Variants in COL6A6 observed in about 807,000 individuals in gnomAD.
The protein encoded by COL6A6 is collagen type VI alpha 6 chain.
Under a neutral mutation model 208.6 loss-of-function variants are expected in COL6A6, and 183 were observed. That is an observed-to-expected ratio of 0.88 (90% CI 0.78 to 0.99). The LOEUF (loss-of-function observed/expected upper bound fraction) is 0.99. Among genes scored for constraint, COL6A6 ranks in the 50% least tolerant of loss-of-function variants. The probability of loss-of-function intolerance (pLI) is 0.00; values close to 1 mark genes in which losing one functional copy is unlikely to be tolerated. For synonymous variants in COL6A6, 973 were observed against 1,011.8 expected (o/e 0.96, Z 0.73); for missense variants, 2,816 against 2,815.2 (o/e 1.00, Z -0.01).
At chr3:130,587,372 C>G (rs542001662) in intron 11 of COL6A6, among the ~76,000 whole-genome samples, 19 of 152,330 alleles carry the variant, frequency 1.2e-4, no homozygotes, top group African/African-American at 3.8e-4. Context: ...GCAATTCTCC[C>G]TGCCTCAGCC....
At position 130,565,725 on chromosome 3, in the gene COL6A6, T is replaced by G. The variant is rs541906712; in HGVS notation, c.1282+111T>G. On this transcript the variant is annotated intron_variant, in intron 4 of 36. Coordinates refer to ENST00000358511, the MANE Select transcript of COL6A6 (RefSeq NM_001102608.3). ...GGAAGATGTGGATGGGAAGGATAAGTTCCTAATTCTTTTACTTGAGCTTGA... is the reference window on the plus strand; with the variant it reads ...GGAAGATGTGGATGGGAAGGATAAGGTCCTAATTCTTTTACTTGAGCTTGA... 6.3e-6 allele frequency: 8 copies of G among 1,260,744 alleles called. No homozygotes were observed. In the Admixed American group the frequency reaches 2.4e-4, roughly 37 times the overall value. 78.1% of individuals were successfully genotyped at this position (1,260,744 alleles called of 1,614,324 possible). A position where few individuals can be genotyped will look rare whatever the true frequency, so the allele number is the denominator to read the frequency against.
intron 36 of COL6A6, among the ~76,000 whole-genome samples, chr3:130,673,704 T>A (rs999025599): frequency 6.6e-6 from 1 of 152,116 alleles, no homozygotes; most frequent in African/African-American, 2.4e-5. Context: ...ACTCCTGTAA[T>A]CCAAGCACTT....
At chr3:130,571,496 A>G in intron 7 of COL6A6, 103 bp downstream of exon 7, 2 of 762,904 alleles carry the variant, frequency 2.6e-6, no homozygotes, top group Admixed American at 6.3e-5. Context: ...GAGAGGAGAG[A>G]AGGAGCTCTA....
At chr3:130,516,922 G>C (rs562857557), upstream of COL6A6, among the ~76,000 whole-genome samples, 1 of 152,314 alleles carries the variant, frequency 6.6e-6, no homozygotes, top group Admixed American at 6.5e-5. Flanking sequence ...CAGAGAAGGC[G>C]CGTACCATGA....
At chr3:130,614,302 G>A (rs930914311) in intron 23 of COL6A6, among the ~76,000 whole-genome samples, 1 of 152,052 alleles carries the variant, frequency 6.6e-6, no homozygotes, top group Non-Finnish European at 1.5e-5. Context: ...TTTACATGAC[G>A]AATCACATTT....
intron 1 of COL6A6, among the ~76,000 whole-genome samples, chr3:130,533,943 G>A (rs1015900372): frequency 4.7e-4 from 71 of 152,136 alleles, no homozygotes; most frequent in African/African-American, 1.6e-3. Context: ...GTGTGTGCAC[G>A]CCAGTTTAAT....
intron 36 of COL6A6, among the ~76,000 whole-genome samples, chr3:130,669,639 G>T (rs963336057): frequency 6.6e-6 from 1 of 152,002 alleles, no homozygotes; most frequent in African/African-American, 2.4e-5. Context: ...GCTAAGCGTT[G>T]ATCTGAAGAT....
At chr3:130,607,056 C>A in intron 21 of COL6A6, 90 bp downstream of exon 21, 1 of 1,022,042 alleles carries the variant, frequency 9.8e-7, no homozygotes, top group Non-Finnish European at 1.4e-6. Context: ...CTCTAAACTT[C>A]CCTTTTTGAT....
At chr3:130,626,577 A>T (rs2064892882) in intron 25 of COL6A6, 30 bp downstream of exon 25, 1 of 1,545,320 alleles carries the variant, frequency 6.5e-7, no homozygotes, top group African/African-American at 1.4e-5. Flanking sequence ...TTTTGATCGG[A>T]TTCTTGGAAT....
rs1485861296 is a variant in COL6A6 at position 130,566,687 on chromosome 3, T to C, written c.1283-15T>C. ...TTGCTCAAATGCCACATGCAACTTA[T>C]TGATTCCTTTTTAGGTTGTGTGGAC... On this transcript the variant is annotated splice_polypyrimidine_tract_variant and intron_variant, in intron 4 of 36. Coordinates refer to ENST00000358511, the MANE Select transcript of COL6A6 (RefSeq NM_001102608.3). 1.9e-6 allele frequency: 3 copies of C among 1,569,648 alleles called. No homozygotes were observed. The highest frequency in any genetic ancestry group is 1.9e-5 in the Admixed American group (1 of 52,906).
At chr3:130,533,511 A>G (rs1291381659) in intron 1 of COL6A6, among the ~76,000 whole-genome samples, 2 of 152,224 alleles carry the variant, frequency 1.3e-5, no homozygotes, top group Non-Finnish European at 2.9e-5. Context: ...ATAATGTAAT[A>G]ACTATTCCTT....
chr3:130,590,956 TA>T, intron 12 of COL6A6, 84 bp from the exon 13 acceptor site: 1 of 995,636 alleles, frequency 1.0e-6, no homozygotes, highest in Non-Finnish European at 1.6e-6. Context: ...CCACATGAAG[TA>T]AAACTGTAAA....
intron 34 of COL6A6, among the ~76,000 whole-genome samples, chr3:130,661,313 C>T (rs916795777): frequency 7.2e-5 from 11 of 152,198 alleles, no homozygotes; most frequent in Non-Finnish European, 1.6e-4. Flanking sequence ...ACAGTATACC[C>T]TTGCATGCAC....
intron 1 of COL6A6, among the ~76,000 whole-genome samples, chr3:130,526,114 T>C (rs988986355): frequency 4.6e-5 from 7 of 152,206 alleles, no homozygotes; most frequent in Admixed American, 4.6e-4. Flanking sequence ...TATTCCATGC[T>C]ACCTTAATTA....
At chr3:130,623,855 A>G (rs1475028987) in intron 24 of COL6A6, among the ~76,000 whole-genome samples, 1 of 152,192 alleles carries the variant, frequency 6.6e-6, no homozygotes, top group East Asian at 1.9e-4. Context: ...ATTATTAGGA[A>G]GGAAGGAAAA....
intron 1 of COL6A6, among the ~76,000 whole-genome samples, chr3:130,536,259 CTG>C (rs1320093259): frequency 6.6e-6 from 1 of 152,236 alleles, no homozygotes; most frequent in African/African-American, 2.4e-5. Flanking sequence ...CTCACTTTCT[CTG>C]TGAGTCCTTC....
At chr3:130,611,260 G>T (rs542833768) in intron 23 of COL6A6, among the ~76,000 whole-genome samples, 2 of 152,144 alleles carry the variant, frequency 1.3e-5, no homozygotes, top group African/African-American at 4.8e-5. Context: ...CCCCTAGAGG[G>T]GATTGTTAAC....
In COL6A6 at chr3:130,661,850, A is replaced by G. The variant is rs1479607790; in HGVS notation, c.6044A>G (p.His2015Arg). ...GGAGACCGGGTGGCCCTATTGAGCC[A>G]TGCTCCCCCCGACTTCCTACCCAAC... is the stretch of plus-strand genomic sequence containing the variant. ...VTGDRVALLSHAPPDFLPNTQ... is the reference protein window; with the variant it reads ...VTGDRVALLSRAPPDFLPNTQ... The change falls in exon 35 of 37, where the codon CAT becomes CGT. Residue 2015 changes from histidine (H) to arginine (R), a missense_variant. By Grantham distance (29) the His-to-Arg change is conservative. Transcript: ENST00000358511. The G allele has an allele frequency of 2.5e-6, 4 of 1,613,792 alleles. No individual in the cohort carries two copies. Among genetic ancestry groups the G allele is most frequent in the East Asian group, 2.2e-5 (1 of 44,888 alleles).
At chr3:130,542,612 T>G (rs1346591274) in intron 1 of COL6A6, among the ~76,000 whole-genome samples, 1 of 152,220 alleles carries the variant, frequency 6.6e-6, no homozygotes, top group Admixed American at 6.5e-5. Context: ...TTATTTCTGA[T>G]AGAGGGGTAT....
Sources: allele counts gnomAD v4.1 joint callset (sites outside exome capture counted in the v4.1 genomes callset), GRCh38; gene constraint gnomAD v4.1.1; transcripts MANE v1.5; gene names NCBI Gene and HGNC (gene_info 2026-07-23, HGNC 2026-07-21).